Variants in ADGRB1 observed in about 807,000 individuals in gnomAD.
ADGRB1 encodes adhesion G protein-coupled receptor B1.
A neutral mutation model predicts 175.7 loss-of-function variants in ADGRB1; 36 were observed. The observed-to-expected ratio is 0.20, with a 90% CI of 0.16 to 0.27. The LOEUF (loss-of-function observed/expected upper bound fraction) is 0.27. Ranked by LOEUF, ADGRB1 falls within the 10% of genes least tolerant of loss-of-function variation. The pLI, the probability that ADGRB1 is intolerant of heterozygous loss-of-function variation, is 1.00. For missense variants in ADGRB1, 1,731 were observed against 2,255.3 expected (o/e 0.77, Z 4.71); for synonymous variants, 1,054 against 979.4 (o/e 1.08, Z -1.42).
In ADGRB1 at chr8:142,526,525, C is replaced by A; in HGVS notation, c.3313-17C>A. 2 of 1,560,278 alleles carry A rather than the reference C, an allele frequency of 1.3e-6. No individual in the cohort carries two copies. Among genetic ancestry groups the A allele is most frequent in the Non-Finnish European group, 1.7e-6 (2 of 1,147,520 alleles). Reference sequence around the variant, plus strand: ...GCGGCCCCCACCCCCACACCCCCACCACTCTCTGCCCGGCAGGTGAACATG... The same window carrying A: ...GCGGCCCCCACCCCCACACCCCCACAACTCTCTGCCCGGCAGGTGAACATG... On this transcript the variant is annotated splice_polypyrimidine_tract_variant and intron_variant, in intron 23 of 30. Transcript: ENST00000517894.
At chr8:142,459,168 A>T (rs1452921397) in intron 1 of ADGRB1, among the ~76,000 whole-genome samples, 1 of 152,162 alleles carries the variant, frequency 6.6e-6, no homozygotes, top group Non-Finnish European at 1.5e-5. Context: ...AGGGTCCCTG[A>T]CTGCTGCATG....
chr8:142,460,538 C>A (rs917396745), intron 1 of ADGRB1, among the ~76,000 whole-genome samples: 1 of 152,176 alleles, frequency 6.6e-6, no homozygotes, highest in African/African-American at 2.4e-5. Flanking sequence ...CTCCCCACAC[C>A]CCCCTGACTT....
At chr8:142,525,390 C>T (rs934824330) in intron 23 of ADGRB1, among the ~76,000 whole-genome samples, 18 of 149,624 alleles carry the variant, frequency 1.2e-4, no homozygotes, top group African/African-American at 3.4e-4. Context: ...CAGGATGTGT[C>T]AGGAAGGCAG....
intron 17 of ADGRB1, among the ~76,000 whole-genome samples, chr8:142,498,566 C>T (rs1043786878): frequency 1.2e-4 from 18 of 151,870 alleles, no homozygotes; most frequent in African/African-American, 3.6e-4. Flanking sequence ...TGGCTGTGCG[C>T]GCCCAGGCCT....
chr8:142,521,976 G>A lies in ADGRB1; in HGVS notation c.3036G>A (p.Thr1012=), dbSNP rs776156041. 1.6e-5 allele frequency: 26 copies of A among 1,595,600 alleles called. No homozygotes were observed. Among genetic ancestry groups the A allele is most frequent in the Non-Finnish European group, 2.0e-5 (23 of 1,172,264 alleles). The change falls in exon 21 of 31, where the codon ACG becomes ACA. Residue 1012 remains threonine (T), a synonymous_variant. Coordinates refer to ENST00000517894, the MANE Select transcript of ADGRB1 (RefSeq NM_001702.3). ...QTQTRNKVVC[T]LVAAFLHFFF... Reference sequence around the variant, plus strand: ...TGGGCCCCACACAGGTGGTGTGCACGCTGGTGGCCGCCTTCCTGCACTTCT... The same window carrying A: ...TGGGCCCCACACAGGTGGTGTGCACACTGGTGGCCGCCTTCCTGCACTTCT...
In ADGRB1 at chr8:142,482,993, C is replaced by T. The variant is rs62513262; in HGVS notation, c.2131-984C>T. ...ACACTGAGCCCAGATCCTGGTCACACACTGAGCCCTGATTCTGGTCACACA... is the reference window on the plus strand; with the variant it reads ...ACACTGAGCCCAGATCCTGGTCACATACTGAGCCCTGATTCTGGTCACACA... On this transcript the variant is annotated intron_variant, in intron 11 of 30. Coordinates refer to ENST00000517894, the MANE Select transcript of ADGRB1 (RefSeq NM_001702.3). Among the ~76,000 whole-genome samples, 661 of 151,632 alleles carry T rather than the reference C, an allele frequency of 4.4e-3. 2 individuals carry two copies. Among genetic ancestry groups the T allele is most frequent in the Non-Finnish European group, 7.6e-3 (513 of 67,858 alleles).
At chr8:142,457,930 C>G (rs1465675405) in intron 1 of ADGRB1, among the ~76,000 whole-genome samples, 1 of 152,186 alleles carries the variant, frequency 6.6e-6, no homozygotes, top group East Asian at 1.9e-4. Context: ...GCCGTGGGCA[C>G]CCTGAGCGGG....
Position 142,542,570 on chromosome 8 carries a change from G to C in ADGRB1, c.4336G>C (p.Ala1446Pro). ...CAGCCTGGGGGATCCCGGGGAGCCT[G>C]CCGCCCATCCGGGACCCAGCACGGG... ...PPSLGDPGEP[A>P]AHPGPSTGPS... Residue 1446 changes from alanine (A) to proline (P), a missense_variant, in exon 28 of 31, where the codon GCC (alanine) becomes CCC (proline). Ala to Pro is a conservative substitution (Grantham distance 27, BLOSUM62 -1). Transcript: ENST00000517894. This position sits in a 1 kb window ranked among gnomAD's most constrained non-coding sequence, Gnocchi z 6.3. 1.3e-6 allele frequency: 2 copies of C among 1,531,702 alleles called. No homozygotes were observed. Among genetic ancestry groups the C allele is most frequent in the East Asian group, 2.6e-5 (1 of 37,818 alleles). The allele number at this position is 1,531,702 out of a possible 1,614,324, so 94.9% of individuals were successfully genotyped here. A position where few individuals can be genotyped will look rare whatever the true frequency, so the allele number is the denominator to read the frequency against.
At chr8:142,470,415 G>A (rs1840597196) in intron 2 of ADGRB1, among the ~76,000 whole-genome samples, 1 of 151,980 alleles carries the variant, frequency 6.6e-6, no homozygotes, top group African/African-American at 2.4e-5. Context: ...GTGTCCCTAT[G>A]TGTCCCCGTG....
chr8:142,514,913 G>A (rs1843330227), intron 18 of ADGRB1, among the ~76,000 whole-genome samples: 1 of 152,156 alleles, frequency 6.6e-6, no homozygotes, highest in Non-Finnish European at 1.5e-5. Context: ...TAGTTTTGTG[G>A]GCATTTGGGA....
At chr8:142,498,933 T>C (rs112521652) in intron 17 of ADGRB1, among the ~76,000 whole-genome samples, 2,501 of 152,278 alleles carry the variant, frequency 0.016, 77 homozygotes, top group African/African-American at 0.056. Context: ...TCTGTGCCAC[T>C]GCCTCCCCGG....
chr8:142,542,420 C>A lies in ADGRB1; in HGVS notation c.4186C>A (p.Arg1396Ser), dbSNP rs763182552. 3 of 1,536,564 alleles carry A rather than the reference C, an allele frequency of 2.0e-6. No homozygotes were observed. Among genetic ancestry groups the A allele is most frequent in the Non-Finnish European group, 2.6e-6 (3 of 1,141,766 alleles). The change falls in exon 28 of 31, where the codon CGC becomes AGC. Residue 1396 changes from arginine (R) to serine (S), a missense_variant. Transcript: ENST00000517894. This position sits in a 1 kb window ranked among gnomAD's most constrained non-coding sequence, Gnocchi z 6.3. ...CCTCCCCGCCCGCAGCCCGCCCTCC[C>A]GCCAGCCCCCCAGCGGCGGGCCCCC... ...ASLPARSPPS[R>S]QPPSGGPPEA...
chr8:142,502,404 GGTGGTGGTGGTGGT>G, intron 17 of ADGRB1, among the ~76,000 whole-genome samples: 1 of 88,858 alleles, frequency 1.1e-5, no homozygotes, highest in Non-Finnish European at 2.3e-5. Context: ...TGGTGATGGT[GGTGGTGGTGGTGGT>G]GATGGTGGTG....
chr8:142,495,947 GTGGGTGGA>G (rs1842193059), intron 17 of ADGRB1, among the ~76,000 whole-genome samples: 1 of 149,688 alleles, frequency 6.7e-6, no homozygotes, highest in Admixed American at 6.7e-5. Flanking sequence ...GGATAGGTGG[GTGGGTGGA>G]TGGGTGGATG....
At chr8:142,460,060 C>A (rs929081971) in intron 1 of ADGRB1, among the ~76,000 whole-genome samples, 1 of 152,222 alleles carries the variant, frequency 6.6e-6, no homozygotes, top group Non-Finnish European at 1.5e-5. Context: ...CTGCAGTGCC[C>A]GGCTCGGGCC....
chr8:142,461,817 G>A (rs1382768121), intron 1 of ADGRB1, among the ~76,000 whole-genome samples: 1 of 152,182 alleles, frequency 6.6e-6, no homozygotes, highest in East Asian at 1.9e-4. Context: ...GGGCATATGG[G>A]GCAGTGAGGC....
At chr8:142,497,465 G>T (rs965828656) in intron 17 of ADGRB1, among the ~76,000 whole-genome samples, 7 of 152,110 alleles carry the variant, frequency 4.6e-5, no homozygotes, top group African/African-American at 1.4e-4. Context: ...TCCCACGCCG[G>T]CCGGTTCCTG....
At chr8:142,502,527 G>A (rs997553309) in intron 17 of ADGRB1, among the ~76,000 whole-genome samples, 10 of 150,276 alleles carry the variant, frequency 6.7e-5, no homozygotes, top group African/African-American at 2.5e-4. Context: ...TGGTTGTGTG[G>A]TTTTGAGGAT....
At chr8:142,503,828 G>C (rs1842737772) in intron 17 of ADGRB1, among the ~76,000 whole-genome samples, 2 of 152,200 alleles carry the variant, frequency 1.3e-5, no homozygotes, top group Non-Finnish European at 2.9e-5. Flanking sequence ...CAGCCCAGGG[G>C]TATCCCATGG....
Sources: gnomAD v4.1 joint callset for allele counts (sites outside exome capture counted in the v4.1 genomes callset) on GRCh38, gnomAD v4.1.1 for gene constraint, Gnocchi (gnomAD v3.1) non-coding constraint, MANE v1.5 for transcripts, NCBI Gene and HGNC (gene_info 2026-07-23, HGNC 2026-07-21) for gene names.